The following KIAA0586 variants were observed in gnomAD, a reference collection of about 807,000 sequenced individuals.
KIAA0586 encodes the protein KIAA0586.
Under a neutral mutation model 169.8 loss-of-function variants are expected in KIAA0586, and 144 were observed. That is an observed-to-expected ratio of 0.85 (90% CI 0.74 to 0.97). KIAA0586 has a LOEUF of 0.97. Ranked by LOEUF, KIAA0586 falls within the 50% of genes least tolerant of loss-of-function variation. The probability of loss-of-function intolerance (pLI) is 0.00; values close to 1 mark genes in which losing one functional copy is unlikely to be tolerated. For synonymous variants in KIAA0586, 625 were observed against 612.4 expected, an observed-to-expected ratio of 1.02 and a Z score of -0.30; for missense variants, 1,854 against 1,823.0, an observed-to-expected ratio of 1.02 and a Z score of -0.31.
chr14:58,463,872 C>A, intron 14 of KIAA0586: 2 of 281,914 alleles, frequency 7.1e-6, no homozygotes, highest in Non-Finnish European at 1.4e-5. Context: ...TACATAGAAA[C>A]ACCCACATGT....
downstream of KIAA0586, among the ~76,000 whole-genome samples, chr14:58,553,930 T>A (rs1386774097): frequency 6.6e-5 from 10 of 152,156 alleles, no homozygotes; most frequent in Admixed American, 1.3e-4. Context: ...CTAGGACAAC[T>A]TTGCTTTGCT....
chr14:58,484,924 A>ATAAATATATATATT (rs1566877360), intron 21 of KIAA0586, among the ~76,000 whole-genome samples: 2 of 13,048 alleles, frequency 1.5e-4, no homozygotes, highest in African/African-American at 3.1e-4. Context: ...ATATATATAT[A>ATAAATATATATATT]TTTTTTTTTT....
intron 29 of KIAA0586, among the ~76,000 whole-genome samples, chr14:58,539,504 T>C (rs1164068233): frequency 6.6e-6 from 1 of 152,174 alleles, no homozygotes; most frequent in Non-Finnish European, 1.5e-5. Flanking sequence ...TATAGGTTTC[T>C]CTCAGTTAAC....
intron 6 of KIAA0586, 101 bp from the exon 7 acceptor site, chr14:58,448,239 G>C: frequency 1.4e-6 from 1 of 714,798 alleles, no homozygotes; most frequent in Admixed American, 2.9e-5. Flanking sequence ...TTTATTAAAT[G>C]CAGTAAATTA....
intron 18 of KIAA0586, 40 bp from the exon 19 acceptor site, chr14:58,474,563 GAACA>G (rs779710068): frequency 2.9e-6 from 4 of 1,376,204 alleles, no homozygotes; most frequent in Non-Finnish European, 2.9e-6. Context: ...AGTAAATGTT[GAACA>G]AATACATGAA....
chr14:58,484,168 G>A (rs1448396652), intron 21 of KIAA0586, among the ~76,000 whole-genome samples: 4 of 152,072 alleles, frequency 2.6e-5, no homozygotes, highest in African/African-American at 7.2e-5. Context: ...TTAGTTTTAT[G>A]TCTATAATAA....
chr14:58,443,025 G>A (rs915090232), intron 5 of KIAA0586, 145 bp downstream of exon 5: 1 of 633,880 alleles, frequency 1.6e-6, no homozygotes, highest in African/African-American at 1.9e-5. Context: ...CCCATTTGTG[G>A]TTGTGTGTTA....
intron 28 of KIAA0586, among the ~76,000 whole-genome samples, chr14:58,510,664 A>G (rs977510213): frequency 1.3e-5 from 2 of 152,198 alleles, no homozygotes; most frequent in African/African-American, 4.8e-5. Context: ...ACACAAAGAC[A>G]TGTACGTGAA....
intron 30 of KIAA0586, chr14:58,543,891 G>A (rs1179818470): frequency 2.2e-6 from 1 of 455,306 alleles, no homozygotes; most frequent in Non-Finnish European, 4.4e-6. Flanking sequence ...AGGTTTGGGG[G>A]TACATGTGAA....
intron 20 of KIAA0586, among the ~76,000 whole-genome samples, chr14:58,477,602 T>G (rs1441295772): frequency 6.6e-6 from 1 of 152,250 alleles, no homozygotes. Context: ...TTTCTCCTTT[T>G]GTGCCTAGTC....
chr14:58,547,806 T>G lies in KIAA0586; in HGVS notation c.4521T>G (p.Ala1507=). The change falls in exon 31 of 31, where the codon GCT becomes GCG. Residue 1507 remains alanine, a synonymous_variant. Transcript: ENST00000652326. Reference sequence around the variant, plus strand: ...GTGGGAAAGCAGTGCCACTCTCCGCTTCACAGATGCCCCCTGCCAAGATGT... The same window carrying G: ...GTGGGAAAGCAGTGCCACTCTCCGCGTCACAGATGCCCCCTGCCAAGATGT... ...FSGGKAVPLS[A]SQMPPAKMSV... The G allele has an allele frequency of 6.2e-7, 1 of 1,613,428 alleles. No homozygotes were observed. The highest frequency in any genetic ancestry group is 8.5e-7 in the Non-Finnish European group (1 of 1,179,542).
At chr14:58,551,871 G>T (rs1406260305), downstream of KIAA0586, among the ~76,000 whole-genome samples, 4 of 152,194 alleles carry the variant, frequency 2.6e-5, no homozygotes, top group Non-Finnish European at 5.9e-5. Flanking sequence ...ATAATGGAGA[G>T]TACAGTCCTT....
intron 4 of KIAA0586, among the ~76,000 whole-genome samples, chr14:58,439,606 C>A (rs2038129434): frequency 6.6e-6 from 1 of 152,196 alleles, no homozygotes; most frequent in Non-Finnish European, 1.5e-5. Context: ...AAGTTTCTCT[C>A]AGCTCTATAA....
intron 30 of KIAA0586, among the ~76,000 whole-genome samples, chr14:58,542,076 G>C (rs561140995): frequency 6.6e-6 from 1 of 151,480 alleles, no homozygotes; most frequent in African/African-American, 2.4e-5. Flanking sequence ...TACCCTTTTC[G>C]CCTGTTCACA....
chr14:58,446,003 G>A (rs1486761176), intron 6 of KIAA0586, among the ~76,000 whole-genome samples: 1 of 150,954 alleles, frequency 6.6e-6, no homozygotes, highest in Non-Finnish European at 1.5e-5. Flanking sequence ...CAAGTAGCTG[G>A]GATTACAGAC....
chr14:58,490,102 C>G, intron 24 of KIAA0586, 62 bp from the exon 25 acceptor site: 1 of 777,732 alleles, frequency 1.3e-6, no homozygotes, highest in Non-Finnish European at 2.0e-6. Context: ...GCTTTATGGT[C>G]AGATTATTTA....
In KIAA0586 at chr14:58,427,878, T is replaced by C. The variant is rs2036966981; in HGVS notation, c.-387T>C. 1 of 1,375,752 alleles carries C rather than the reference T, an allele frequency of 7.3e-7. No individual in the cohort carries two copies. Among genetic ancestry groups the C allele is most frequent in the Non-Finnish European group, 9.5e-7 (1 of 1,049,994 alleles). 85.2% of individuals were successfully genotyped at this position (1,375,752 alleles called of 1,614,324 possible). The stretch of plus-strand genomic sequence containing the variant: ...CTTATGTGGGTCATTATTTTAAAAA[T>C]AGCATTTCGCTTTTATTTGCTTGAC... On this transcript the variant is annotated 5_prime_UTR_variant, in exon 1 of 31. Coordinates refer to ENST00000652326, the MANE Select transcript of KIAA0586 (RefSeq NM_001329943.3).
intron 29 of KIAA0586, among the ~76,000 whole-genome samples, chr14:58,528,617 T>C (rs995871882): frequency 2.0e-5 from 3 of 152,154 alleles, no homozygotes; most frequent in Admixed American, 6.5e-5. Flanking sequence ...CGGTAAATAA[T>C]GAAATTAAGA....
chr14:58,548,109 A>T lies in KIAA0586; in HGVS notation c.*177A>T, dbSNP rs959009751. 1.4e-6 allele frequency: 1 copy of T among 699,948 alleles called. No individual in the cohort carries two copies. The highest frequency in any genetic ancestry group is 1.8e-5 in the African/African-American group (1 of 55,476). The allele number at this position is 699,948 out of a possible 1,614,324, so 43.4% of individuals were successfully genotyped here. A position where few individuals can be genotyped will look rare whatever the true frequency, so the allele number is the denominator to read the frequency against. On this transcript the variant is annotated 3_prime_UTR_variant, in exon 31 of 31. Coordinates refer to ENST00000652326, the MANE Select transcript of KIAA0586 (RefSeq NM_001329943.3). ...GTATTTAAAGTTTTTAAATAAAATA[A>T]GTATAAGTCATTATAAGTCTGATTG... is the stretch of plus-strand genomic sequence containing the variant.
Sources: gnomAD v4.1 joint callset for allele counts (sites outside exome capture counted in the v4.1 genomes callset) on GRCh38, gnomAD v4.1.1 for gene constraint, MANE v1.5 for transcripts, NCBI Gene and HGNC (gene_info 2026-07-23, HGNC 2026-07-21) for gene names.